Variants in LGSN observed in about 807,000 individuals in gnomAD.
The protein encoded by LGSN is lengsin.
A neutral mutation model predicts 19.5 loss-of-function variants in LGSN; 21 were observed. The observed-to-expected ratio is 1.07, with a 90% CI of 0.76 to 1.55. The LOEUF (loss-of-function observed/expected upper bound fraction) is 1.55, where lower values mean the gene tolerates loss of function less well. Ranked by LOEUF, LGSN falls within the 40% of genes most tolerant of loss-of-function variation. LGSN has a pLI of 0.00. For synonymous variants in LGSN, 257 were observed against 215.6 expected (o/e 1.19, Z -1.68); for missense variants, 673 against 608.5 (o/e 1.11, Z -1.12).
chr6:63,304,880 A>G (rs998680014), intron 1 of LGSN, among the ~76,000 whole-genome samples: 18 of 152,216 alleles, frequency 1.2e-4, no homozygotes, highest in African/African-American at 4.3e-4. Context: ...TAACCTATCA[A>G]TAATGTGCTA....
At chr6:63,546,464 G>A in the LGSN span, among the ~76,000 whole-genome samples, 2 of 152,190 alleles carry the variant, frequency 1.3e-5, no homozygotes, top group Non-Finnish European at 2.9e-5. Context: ...CCAGCACTTT[G>A]GGTAGCCAAG....
At chr6:63,340,966 A>G in the LGSN span, among the ~76,000 whole-genome samples, 1 of 152,106 alleles carries the variant, frequency 6.6e-6, no homozygotes, top group East Asian at 1.9e-4. Flanking sequence ...AAAAGTATCT[A>G]TAGCATTGGT....
At chr6:63,477,787 G>C in the LGSN span, among the ~76,000 whole-genome samples, 12 of 136,062 alleles carry the variant, frequency 8.8e-5, no homozygotes, top group Admixed American at 5.7e-4. Context: ...TCCTTCCTTG[G>C]CCTTTCAAAG....
the LGSN span, among the ~76,000 whole-genome samples, chr6:63,446,944 G>T: frequency 6.6e-6 from 1 of 152,164 alleles, no homozygotes; most frequent in Non-Finnish European, 1.5e-5. Context: ...AGCTACTCAG[G>T]AGGCTGAGGC....
At chr6:63,478,914 C>A in the LGSN span, among the ~76,000 whole-genome samples, 1 of 152,156 alleles carries the variant, frequency 6.6e-6, no homozygotes, top group African/African-American at 2.4e-5. Flanking sequence ...GGTTTACAAC[C>A]TTCATGATAC....
the LGSN span, among the ~76,000 whole-genome samples, chr6:63,472,727 A>T: frequency 0.55 from 83,265 of 151,476 alleles, 23,036 homozygotes; most frequent in Middle Eastern, 0.58. Flanking sequence ...GATCATGAGG[A>T]CAGGAGATCG....
chr6:63,569,131 T>C, the LGSN span, among the ~76,000 whole-genome samples: 1 of 152,236 alleles, frequency 6.6e-6, no homozygotes, highest in Non-Finnish European at 1.5e-5. Context: ...CTTGGTAAAA[T>C]GGAATCAATG....
At chr6:63,325,654 C>A in the LGSN span, among the ~76,000 whole-genome samples, 5 of 152,250 alleles carry the variant, frequency 3.3e-5, no homozygotes, top group East Asian at 9.7e-4. Flanking sequence ...AAGCCGCAGA[C>A]CCTCACGGTG....
the LGSN span, among the ~76,000 whole-genome samples, chr6:63,476,837 T>A: frequency 3.5e-4 from 53 of 152,344 alleles, no homozygotes; most frequent in South Asian, 8.5e-3. Flanking sequence ...TTAGATCCAA[T>A]CGTCTAGGAA....
the LGSN span, among the ~76,000 whole-genome samples, chr6:63,424,860 T>A: frequency 6.6e-6 from 1 of 151,966 alleles, no homozygotes; most frequent in Non-Finnish European, 1.5e-5. Context: ...TGCAGTGAGC[T>A]GTGATGTGCC....
rs1767179915 is a variant in LGSN, at chr6:63,278,848, A to C, written c.*1173T>G. 6.6e-6 allele frequency: 1 copy of C among 152,226 alleles called. No individual in the cohort carries two copies. Among genetic ancestry groups the C allele is most frequent in the Non-Finnish European group, 1.5e-5 (1 of 68,038 alleles). The allele number at this position is 152,226 out of a possible 1,614,324, so 9.4% of individuals were successfully genotyped here. On this transcript the variant is annotated 3_prime_UTR_variant, in exon 4 of 4. Transcript: ENST00000370657. ...GAGTAATATGAATTTTAATAAGAGG[A>C]TCTGAGCCAAATTCTAATCCTCTGC... is the stretch of plus-strand genomic sequence containing the variant.
chr6:63,552,806 T>G, the LGSN span, among the ~76,000 whole-genome samples: 1 of 152,188 alleles, frequency 6.6e-6, no homozygotes. Flanking sequence ...TTTCCCCATT[T>G]CTTGTTTTTG....
At chr6:63,552,389 T>G in the LGSN span, among the ~76,000 whole-genome samples, 1 of 152,212 alleles carries the variant, frequency 6.6e-6, no homozygotes, top group East Asian at 1.9e-4. Context: ...TTGTTTGTTT[T>G]TTTCTTGTAA....
chr6:63,420,304 T>G, the LGSN span, among the ~76,000 whole-genome samples: 1 of 152,230 alleles, frequency 6.6e-6, no homozygotes, highest in African/African-American at 2.4e-5. Context: ...AGCCTTTTGT[T>G]TGGCAGTGAG....
intron 3 of LGSN, among the ~76,000 whole-genome samples, 164 bp downstream of exon 3, chr6:63,285,423 A>G (rs1179596210): frequency 6.6e-6 from 1 of 152,192 alleles, no homozygotes; most frequent in Non-Finnish European, 1.5e-5. Flanking sequence ...CTCCTTGGGG[A>G]GCAATAATGT....
chr6:63,352,309 AT>A, the LGSN span, among the ~76,000 whole-genome samples: 1 of 152,142 alleles, frequency 6.6e-6, no homozygotes, highest in Non-Finnish European at 1.5e-5. Flanking sequence ...TATTCTTTCT[AT>A]TTTGGAATGT....
At chr6:63,474,823 G>A in the LGSN span, among the ~76,000 whole-genome samples, 2 of 149,268 alleles carry the variant, frequency 1.3e-5, no homozygotes, top group African/African-American at 2.5e-5. Context: ...CTTGAGAGGT[G>A]GAGGCAGGAG....
the LGSN span, among the ~76,000 whole-genome samples, chr6:63,544,564 C>T: frequency 6.6e-6 from 1 of 152,006 alleles, no homozygotes; most frequent in South Asian, 2.1e-4. Flanking sequence ...AAAATAAAAA[C>T]CTGGGTCACA....
At chr6:63,328,670 G>C in the LGSN span, among the ~76,000 whole-genome samples, 2 of 152,340 alleles carry the variant, frequency 1.3e-5, no homozygotes, top group South Asian at 4.1e-4. Context: ...GACTCCAAGA[G>C]CTATCCTGGC....
Sources: allele counts gnomAD v4.1 joint callset (sites outside exome capture counted in the v4.1 genomes callset), GRCh38; gene constraint gnomAD v4.1.1; transcripts MANE v1.5; gene names NCBI Gene and HGNC (gene_info 2026-07-23, HGNC 2026-07-21).